DGLUCY: variants seen among roughly 807,000 people sequenced by gnomAD.
DGLUCY encodes D-glutamate cyclase, mitochondrial.
In DGLUCY, 58 loss-of-function variants were observed where a neutral mutation model predicts 58.5. That is an observed-to-expected ratio of 0.99 (90% CI 0.80 to 1.23). DGLUCY has a LOEUF of 1.23. Among genes scored for constraint, DGLUCY ranks in the 50% most tolerant of loss-of-function variants. DGLUCY has a pLI of 0.00. For missense variants in DGLUCY, 779 were observed against 784.7 expected (o/e 0.99, Z 0.09); for synonymous variants, 325 against 314.1 (o/e 1.03, Z -0.37).
chr14:91,195,646 GATA>G, intron 9 of DGLUCY, among the ~76,000 whole-genome samples: 1 of 150,200 alleles, frequency 6.7e-6, no homozygotes, highest in African/African-American at 2.4e-5. Context: ...TTAAAATCGC[GATA>G]ATGATGGTTT....
At chr14:91,108,520 T>TGA (rs1176961309) in intron 1 of DGLUCY, among the ~76,000 whole-genome samples, 211 of 83,636 alleles carry the variant, frequency 2.5e-3, no homozygotes, top group South Asian at 3.9e-3. Context: ...TGTGTGTGTG[T>TGA]GTGTGTGAGA....
At chr14:91,175,750 A>G (rs1221716997) in intron 6 of DGLUCY, 184 bp from the exon 7 acceptor site, 2 of 557,666 alleles carry the variant, frequency 3.6e-6, no homozygotes, top group Non-Finnish European at 6.2e-6. Flanking sequence ...TGGACTGTAA[A>G]TTATGGAGTA....
exon 1 of DGLUCY, chr14:91,060,334 G>T: frequency 7.2e-7 from 1 of 1,392,144 alleles, no homozygotes. Flanking sequence ...TCGCTCACCA[G>T]TCCGCAGCTC....
intron 3 of DGLUCY, among the ~76,000 whole-genome samples, chr14:91,160,853 A>C (rs1158986372): frequency 6.6e-6 from 1 of 152,220 alleles, no homozygotes; most frequent in Non-Finnish European, 1.5e-5. Flanking sequence ...AGGTCCTGCA[A>C]GAGAAAACAG....
rs2048679797 is a variant in DGLUCY at position 91,173,394 on chromosome 14, T to A, written c.562T>A (p.Ser188Thr). ...GGAAGGGCTGGTGCGGGCCTGCTGCTCCCTCGGAGGTGAGCAGGGGCAACC... is the reference window on the plus strand; with the variant it reads ...GGAAGGGCTGGTGCGGGCCTGCTGCACCCTCGGAGGTGAGCAGGGGCAACC... ...KLEGLVRACC[S>T]LGGEQGQPVH... Residue 188 changes from serine (S) to threonine (T), a missense_variant, in exon 6 of 14, where the codon TCC becomes ACC. By Grantham distance (58) the Ser-to-Thr change is moderately conservative. Transcript: ENST00000256324. 1 of 1,612,458 alleles carries A rather than the reference T, an allele frequency of 6.2e-7. No homozygotes were observed. The highest frequency in any genetic ancestry group is 1.1e-5 in the South Asian group (1 of 90,904).
chr14:91,087,164 C>T (rs966038203), intron 1 of DGLUCY, among the ~76,000 whole-genome samples: 4 of 152,194 alleles, frequency 2.6e-5, no homozygotes, highest in African/African-American at 9.7e-5. Context: ...GCCGAGCCCC[C>T]CAAAAGTTCA....
chr14:91,085,836 T>C (rs2044208362), intron 1 of DGLUCY, among the ~76,000 whole-genome samples: 1 of 152,162 alleles, frequency 6.6e-6, no homozygotes, highest in Non-Finnish European at 1.5e-5. Flanking sequence ...CCCAAAGTGC[T>C]GGGATTACAG....
At chr14:91,113,320 A>G (rs1432606832), upstream of DGLUCY, among the ~76,000 whole-genome samples, 1 of 152,162 alleles carries the variant, frequency 6.6e-6, no homozygotes, top group Non-Finnish European at 1.5e-5. Context: ...CAACAATAAA[A>G]GTTATACAAG....
chr14:91,130,892 TATTG>T (rs750836686), intron 1 of DGLUCY, among the ~76,000 whole-genome samples: 3 of 152,184 alleles, frequency 2.0e-5, no homozygotes, highest in Non-Finnish European at 4.4e-5. Flanking sequence ...GTCTTTTTCT[TATTG>T]ATTAATGAGA....
At chr14:91,089,781 A>G (rs1462843305) in intron 1 of DGLUCY, among the ~76,000 whole-genome samples, 1 of 151,710 alleles carries the variant, frequency 6.6e-6, no homozygotes, top group East Asian at 1.9e-4. Context: ...AGATCACGCC[A>G]CTACACTCCA....
chr14:91,224,631 A>G, intron 13 of DGLUCY, 53 bp from the exon 14 acceptor site: 1 of 1,507,226 alleles, frequency 6.6e-7, no homozygotes, highest in East Asian at 2.3e-5. Flanking sequence ...TATAAAAGAA[A>G]TTTCTTTTTC....
rs756562238 is a variant in DGLUCY, at chr14:91,170,190, G to C, written c.445G>C (p.Gly149Arg). ...RRDPAGHSQA[G>R]AYKTTVPCVT... The stretch of plus-strand genomic sequence containing the variant: ...AGACCCAGCAGGTCACAGCCAGGCG[G>C]GTGCATACAAGGTAGGGACACAGCC... The change falls in exon 5 of 14, where the codon GGT becomes CGT. Residue 149 changes from glycine to arginine, a missense_variant. Transcript: ENST00000256324. The C allele has an allele frequency of 3.0e-5, 49 of 1,613,402 alleles. No individual in the cohort carries two copies. Among genetic ancestry groups the C allele is most frequent in the Middle Eastern group, 1.7e-4 (1 of 5,942 alleles).
intron 12 of DGLUCY, among the ~76,000 whole-genome samples, chr14:91,207,903 C>T (rs894647081): frequency 1.3e-5 from 2 of 152,110 alleles, no homozygotes; most frequent in Non-Finnish European, 2.9e-5. Flanking sequence ...TGCGCTACCA[C>T]GCCCTGCTAA....
chr14:91,112,473 G>A (rs1032492235), upstream of DGLUCY, among the ~76,000 whole-genome samples: 1 of 152,156 alleles, frequency 6.6e-6, no homozygotes, highest in African/African-American at 2.4e-5. Flanking sequence ...ATGGACCTTC[G>A]CAGAGCGTTG....
rs138293042 is a variant in DGLUCY, at chr14:91,204,753, G to A, written c.1492G>A (p.Ala498Thr). 3 of 1,614,016 alleles carry A rather than the reference G, an allele frequency of 1.9e-6. No individual in the cohort carries two copies. Among genetic ancestry groups the A allele is most frequent in the Non-Finnish European group, 1.7e-6 (2 of 1,180,024 alleles). ...GCTTGGGATGGGTAAAGTCAAGGAG[G>A]CTGTGAGGAGGCACATACGGCACGG... ...NELGMGKVKE[A>T]VRRHIRHGDV... The change falls in exon 12 of 14, where the codon GCT becomes ACT. Residue 498 changes from alanine (A) to threonine (T), a missense_variant. By Grantham distance (58) the Ala-to-Thr change is moderately conservative. Coordinates refer to ENST00000256324, the MANE Select transcript of DGLUCY (RefSeq NM_001102368.3).
intron 1 of DGLUCY, among the ~76,000 whole-genome samples, chr14:91,085,609 C>T (rs2140055506): frequency 6.9e-6 from 1 of 145,112 alleles, no homozygotes; most frequent in Non-Finnish European, 1.5e-5. Flanking sequence ...TCACTCTATT[C>T]CCCAGGCTGG....
Position 91,122,602 on chromosome 14 carries a change from G to GTTTTTTT in DGLUCY, c.-82+8331_-82+8337dup, listed in dbSNP as rs60627604. ...ATTTTAACTATAATAAAAGAAAAAA[G>GTTTTTTT]TTTTTTTTTTTTTTTTTTGAGATAG... On this transcript the variant is annotated intron_variant, in intron 1 of 13. Transcript: ENST00000256324. Among the ~76,000 whole-genome samples, 418 of 104,760 alleles carry GTTTTTTT rather than the reference G, an allele frequency of 4.0e-3. 25 individuals are homozygous for GTTTTTTT. Among genetic ancestry groups the GTTTTTTT allele is most frequent in the African/African-American group, 8.7e-3 (223 of 25,504 alleles). 68.7% of individuals were successfully genotyped at this position (104,760 alleles called of 152,430 possible).
chr14:91,131,209 C>G (rs1414766951), intron 1 of DGLUCY, among the ~76,000 whole-genome samples: 1 of 152,162 alleles, frequency 6.6e-6, no homozygotes, highest in Admixed American at 6.5e-5. Flanking sequence ...CTTGGCCTTC[C>G]AAAATGCTAG....
At chr14:91,174,168 A>G (rs992249440) in intron 6 of DGLUCY, among the ~76,000 whole-genome samples, 3 of 152,144 alleles carry the variant, frequency 2.0e-5, no homozygotes, top group Non-Finnish European at 4.4e-5. Flanking sequence ...GAGCTTCTAC[A>G]TAGCTGAACA....
Sources: gnomAD v4.1 joint callset for allele counts (sites outside exome capture counted in the v4.1 genomes callset) on GRCh38, gnomAD v4.1.1 for gene constraint, MANE v1.5 for transcripts, NCBI Gene and HGNC (gene_info 2026-07-23, HGNC 2026-07-21) for gene names.